Variants in SHOC2 observed in about 807,000 individuals in gnomAD.
The protein encoded by SHOC2 is leucine-rich repeat protein SHOC-2.
A neutral mutation model predicts 50.2 loss-of-function variants in SHOC2; 4 were observed. The observed-to-expected ratio is 0.08, with a 90% CI of 0.04 to 0.18. The LOEUF (loss-of-function observed/expected upper bound fraction) is 0.18. Among genes scored for constraint, SHOC2 ranks in the 10% least tolerant of loss-of-function variants. The probability of loss-of-function intolerance (pLI) is 1.00; values close to 1 mark genes in which losing one functional copy is unlikely to be tolerated. For missense variants in SHOC2, 388 were observed against 669.6 expected (o/e 0.58, Z 4.64); for synonymous variants, 218 against 244.5 (o/e 0.89, Z 1.01).
intron 1 of SHOC2, among the ~76,000 whole-genome samples, chr10:110,922,327 A>G (rs572583474): frequency 1.3e-5 from 2 of 152,112 alleles, no homozygotes; most frequent in Non-Finnish European, 2.9e-5. Flanking sequence ...ATTATGGAGG[A>G]TGGGTGAATA....
At chr10:110,972,926 C>G (rs1168661538) in intron 2 of SHOC2, among the ~76,000 whole-genome samples, 2 of 152,102 alleles carry the variant, frequency 1.3e-5, no homozygotes, top group Non-Finnish European at 2.9e-5. Flanking sequence ...TTCCATGTGG[C>G]TGAGGTATGG....
In SHOC2 at chr10:111,007,650, T is replaced by C. The variant is rs760398997; in HGVS notation, c.1281T>C (p.Leu427=). 8.1e-6 allele frequency: 13 copies of C among 1,613,176 alleles called. No individual in the cohort carries two copies. The highest frequency in any genetic ancestry group is 1.1e-5 in the Non-Finnish European group (13 of 1,179,300). ...IPEDVSGLVS[L]EVLILSNNLL... Reference sequence around the variant, plus strand: ...AGGATGTGTCTGGTCTCGTTTCTCTTGAGGTTAGTATAAATGAGCAATTAG... The same window carrying C: ...AGGATGTGTCTGGTCTCGTTTCTCTCGAGGTTAGTATAAATGAGCAATTAG... Residue 427 remains leucine, a synonymous_variant, in exon 6 of 9, where the codon CTT becomes CTC. Transcript: ENST00000369452.
rs563961970 is a variant in SHOC2 at position 110,936,905 on chromosome 10, G to A, written c.-235+17248G>A. The A allele has an allele frequency of 5.8e-6, 8 of 1,379,008 alleles. No homozygotes were observed. In the East Asian group the frequency reaches 9.2e-5, roughly 16 times the overall value. The allele number at this position is 1,379,008 out of a possible 1,614,324, so 85.4% of individuals were successfully genotyped here. A position where few individuals can be genotyped will look rare whatever the true frequency, so the allele number is the denominator to read the frequency against. On this transcript the variant is annotated intron_variant, in intron 1 of 8. Transcript: ENST00000369452. ...CATCCGCTTTTTCTTGTCGTAAGGC[G>A]GTGGGATGCAGTCAAACACCTTGAG...
At chr10:110,994,789 T>C (rs1216820707) in intron 3 of SHOC2, among the ~76,000 whole-genome samples, 2 of 152,222 alleles carry the variant, frequency 1.3e-5, no homozygotes, top group Non-Finnish European at 1.5e-5. Context: ...AATAGGAAGA[T>C]ACATTTATAT....
At chr10:110,998,115 T>C (rs1031088737) in intron 3 of SHOC2, among the ~76,000 whole-genome samples, 1 of 151,954 alleles carries the variant, frequency 6.6e-6, no homozygotes, top group Non-Finnish European at 1.5e-5. Flanking sequence ...TTCTCCTTCC[T>C]GAGCCTCCCA....
intron 1 of SHOC2, among the ~76,000 whole-genome samples, chr10:110,958,151 A>C (rs1847501852): frequency 6.6e-6 from 1 of 151,582 alleles, no homozygotes; most frequent in Non-Finnish European, 1.5e-5. Context: ...CTTTGACAAT[A>C]CCCTTTCCTA....
intron 1 of SHOC2, among the ~76,000 whole-genome samples, chr10:110,943,823 G>A (rs1847196845): frequency 6.6e-6 from 1 of 152,222 alleles, no homozygotes; most frequent in Admixed American, 6.5e-5. Flanking sequence ...ATGGAATTAA[G>A]CATTCTGGTC....
intron 1 of SHOC2, among the ~76,000 whole-genome samples, chr10:110,944,317 C>T (rs569971438): frequency 2.6e-4 from 39 of 150,052 alleles, no homozygotes; most frequent in African/African-American, 8.3e-4. Flanking sequence ...TTTATGTGTG[C>T]TCCTTCTGCC....
Position 110,964,194 on chromosome 10 carries a change from A to T in SHOC2, c.-165A>T. The T allele has an allele frequency of 2.0e-6, 2 of 1,001,190 alleles. No homozygotes were observed. The highest frequency in any genetic ancestry group is 2.9e-6 in the Non-Finnish European group (2 of 696,556). The allele number at this position is 1,001,190 out of a possible 1,614,324, so 62.0% of individuals were successfully genotyped here. ...GGAATGAATGATCAGAAATGGGCAT[A>T]GTGCTTTTAGATCCAACATGTAACA... On this transcript the variant is annotated 5_prime_UTR_variant, in exon 2 of 9. An upstream open reading frame in the 5' UTR loses its in-frame stop. Transcript: ENST00000369452. This position sits in a 1 kb window ranked among gnomAD's most constrained non-coding sequence, Gnocchi z 4.9.
chr10:110,937,025 G>A, intron 1 of SHOC2: 2 of 1,483,386 alleles, frequency 1.3e-6, no homozygotes, highest in Non-Finnish European at 1.9e-6. Flanking sequence ...GAAGTGGTAG[G>A]GGCGTCGGAA....
intron 4 of SHOC2, among the ~76,000 whole-genome samples, chr10:111,000,957 A>G (rs1472951941): frequency 6.6e-6 from 1 of 152,180 alleles, no homozygotes; most frequent in Non-Finnish European, 1.5e-5. Flanking sequence ...AGAATGCACT[A>G]TCATCAAAAT....
In SHOC2 at chr10:110,919,668, G is replaced by C. The variant is rs1846567346; in HGVS notation, c.-235+11G>C. The stretch of plus-strand genomic sequence containing the variant: ...TCGGGGCTCCTGACGGTAACTCGGG[G>C]CCGATGAGGCGGAGGGTGTCTGTTG... On this transcript the variant is annotated intron_variant, in intron 1 of 8. Transcript: ENST00000369452. 1 of 398,760 alleles carries C rather than the reference G, an allele frequency of 2.5e-6. No homozygotes were observed. Among genetic ancestry groups the C allele is most frequent in the African/African-American group, 2.1e-5 (1 of 48,600 alleles). 24.7% of individuals were successfully genotyped at this position (398,760 alleles called of 1,614,324 possible).
chr10:111,010,541 G>A lies in SHOC2; in HGVS notation c.1540+711G>A, dbSNP rs191855191. Reference sequence around the variant, plus strand: ...ACACCGGGGCCTGTCGTGGGGTAGCGGGAGGGGGGAAGGATAGCATTAGGA... The same window carrying A: ...ACACCGGGGCCTGTCGTGGGGTAGCAGGAGGGGGGAAGGATAGCATTAGGA... On this transcript the variant is annotated intron_variant, in intron 8 of 8. Coordinates refer to ENST00000369452, the MANE Select transcript of SHOC2 (RefSeq NM_007373.4). Among the ~76,000 whole-genome samples the A allele has an allele frequency of 7.9e-5, 12 of 152,228 alleles. No individual in the cohort carries two copies. In the South Asian group the frequency reaches 2.3e-3, roughly 29 times the overall value.
chr10:110,942,184 A>G (rs1156497138), intron 1 of SHOC2, among the ~76,000 whole-genome samples: 2 of 152,168 alleles, frequency 1.3e-5, no homozygotes, highest in Non-Finnish European at 2.9e-5. Context: ...TTTATCATAC[A>G]GTATTAAATA....
intron 1 of SHOC2, among the ~76,000 whole-genome samples, chr10:110,928,192 C>A (rs1846814418): frequency 6.6e-6 from 1 of 151,960 alleles, no homozygotes. Flanking sequence ...TGACGCATGC[C>A]TGTAATCCCA....
At chr10:110,931,712 C>G (rs1846898614) in intron 1 of SHOC2, among the ~76,000 whole-genome samples, 2 of 151,756 alleles carry the variant, frequency 1.3e-5, no homozygotes, top group African/African-American at 4.8e-5. Flanking sequence ...TTATTTTGTG[C>G]TCAATAAAAG....
At chr10:110,990,867 A>G (rs1848173792) in intron 3 of SHOC2, among the ~76,000 whole-genome samples, 1 of 152,216 alleles carries the variant, frequency 6.6e-6, no homozygotes, top group South Asian at 2.1e-4. Flanking sequence ...TGATTTTCTT[A>G]TCCCTCTCAT....
intron 1 of SHOC2, chr10:110,919,923 G>T: frequency 3.7e-6 from 1 of 272,962 alleles, no homozygotes; most frequent in Non-Finnish European, 6.8e-6. Context: ...CGGAGAGGAA[G>T]GCGGTCGGGT....
At chr10:110,978,028 C>T (rs751746577) in intron 2 of SHOC2, among the ~76,000 whole-genome samples, 16 of 152,240 alleles carry the variant, frequency 1.1e-4, no homozygotes, top group Non-Finnish European at 1.6e-4. Flanking sequence ...AAATTCTAAC[C>T]ATCTTGGCTT....
Sources: allele counts gnomAD v4.1 joint callset (sites outside exome capture counted in the v4.1 genomes callset), GRCh38; gene constraint gnomAD v4.1.1; non-coding constraint Gnocchi (gnomAD v3.1); transcripts MANE v1.5; gene names NCBI Gene and HGNC (gene_info 2026-07-23, HGNC 2026-07-21).